NCOA3: variants seen among roughly 807,000 people sequenced by gnomAD.
The protein encoded by NCOA3 is CBP-interacting protein.
A neutral mutation model predicts 158.8 loss-of-function variants in NCOA3; 51 were observed. The ratio of observed to expected loss-of-function variants is 0.32; its 90% confidence interval spans 0.26 to 0.41. The LOEUF is 0.41. Among genes scored for constraint, NCOA3 ranks in the 10% least tolerant of loss-of-function variants. The pLI, the probability that NCOA3 is intolerant of heterozygous loss-of-function variation, is 1.00. For synonymous variants in NCOA3, 537 were observed against 592.4 expected (o/e 0.91, Z 1.36); for missense variants, 1,510 against 1,746.6 (o/e 0.86, Z 2.41).
At chr20:47,564,919 T>C (rs1456444922) in intron 1 of NCOA3, among the ~76,000 whole-genome samples, 1 of 152,176 alleles carries the variant, frequency 6.6e-6, no homozygotes, top group Non-Finnish European at 1.5e-5. Context: ...CTATGTATCC[T>C]AAACTTTAAT....
intron 1 of NCOA3, among the ~76,000 whole-genome samples, chr20:47,502,712 T>A (rs2146033621): frequency 6.6e-6 from 1 of 151,416 alleles, no homozygotes; most frequent in East Asian, 1.9e-4. Context: ...CTTTTTTTTT[T>A]TTTTTGCTCT....
At chr20:47,639,303 AT>A in intron 14 of NCOA3, 101 bp downstream of exon 14, 1 of 1,056,276 alleles carries the variant, frequency 9.5e-7, no homozygotes, top group Non-Finnish European at 1.4e-6. Flanking sequence ...AACTTTTTGA[AT>A]AACGTTAGTA....
At chr20:47,553,998 A>G (rs573756440) in intron 1 of NCOA3, among the ~76,000 whole-genome samples, 1 of 152,324 alleles carries the variant, frequency 6.6e-6, no homozygotes, top group Admixed American at 6.5e-5. Flanking sequence ...TGGTTGAACT[A>G]GTTTACAGTC....
intron 20 of NCOA3, among the ~76,000 whole-genome samples, chr20:47,651,722 T>A (rs2086797020): frequency 6.6e-6 from 1 of 152,006 alleles, no homozygotes; most frequent in South Asian, 2.1e-4. Context: ...TGGAGTGCAG[T>A]GGTGCGATCT....
At chr20:47,568,939 TG>T (rs2085247095) in intron 1 of NCOA3, among the ~76,000 whole-genome samples, 1 of 151,844 alleles carries the variant, frequency 6.6e-6, no homozygotes, top group Non-Finnish European at 1.5e-5. Flanking sequence ...CTGGGGTGGC[TG>T]GGACAAATTA....
chr20:47,560,018 TCAATCAGTCCA>T (rs2146177696), intron 1 of NCOA3, among the ~76,000 whole-genome samples: 1 of 152,328 alleles, frequency 6.6e-6, no homozygotes, highest in South Asian at 2.1e-4. Context: ...ACTGCTGGCC[TCAATCAGTCCA>T]CCCACCTTGG....
chr20:47,537,417 A>C (rs1350475050), intron 1 of NCOA3, among the ~76,000 whole-genome samples: 1 of 36,242 alleles, frequency 2.8e-5, no homozygotes, highest in Non-Finnish European at 4.9e-5. Flanking sequence ...TCAAACTTTT[A>C]TTTTTGTGAT....
chr20:47,609,365 G>T (rs894965692), intron 2 of NCOA3, among the ~76,000 whole-genome samples: 4 of 152,168 alleles, frequency 2.6e-5, no homozygotes, highest in Non-Finnish European at 5.9e-5. Flanking sequence ...GTGTATGGAT[G>T]ATTTTACAGA....
chr20:47,566,369 C>A (rs1466115840), intron 1 of NCOA3, among the ~76,000 whole-genome samples: 3 of 143,816 alleles, frequency 2.1e-5, no homozygotes, highest in Non-Finnish European at 4.8e-5. Context: ...ATAATGAAAT[C>A]CACCATTATA....
At chr20:47,535,290 A>C (rs979428089) in intron 1 of NCOA3, among the ~76,000 whole-genome samples, 3 of 152,182 alleles carry the variant, frequency 2.0e-5, no homozygotes, top group Non-Finnish European at 4.4e-5. Context: ...ACTCCATAGC[A>C]GCATCTAGGG....
intron 5 of NCOA3, among the ~76,000 whole-genome samples, chr20:47,626,461 A>G (rs1485688820): frequency 6.6e-6 from 1 of 152,098 alleles, no homozygotes; most frequent in Non-Finnish European, 1.5e-5. Context: ...TGCTGAACAT[A>G]TTTATGTACA....
At chr20:47,550,296 T>G (rs1279869950) in intron 1 of NCOA3, among the ~76,000 whole-genome samples, 1 of 151,476 alleles carries the variant, frequency 6.6e-6, no homozygotes, top group African/African-American at 2.4e-5. Context: ...AATACAAAAT[T>G]AGTCGGGCAT....
intron 17 of NCOA3, among the ~76,000 whole-genome samples, chr20:47,643,611 T>G (rs1433487137): frequency 6.6e-6 from 1 of 152,056 alleles, no homozygotes; most frequent in Non-Finnish European, 1.5e-5. Context: ...ACTATTCCCC[T>G]GTGTTGGACT....
At chr20:47,596,836 T>G (rs6018573) in intron 2 of NCOA3, among the ~76,000 whole-genome samples, 20 of 152,106 alleles carry the variant, frequency 1.3e-4, no homozygotes, top group African/African-American at 4.6e-4. Context: ...GCGATCCACC[T>G]GCCTCGGCCT....
rs200564068 is a variant in NCOA3 at position 47,584,712 on chromosome 20, G to GA, written c.-20+1452dup. Among the ~76,000 whole-genome samples the GA allele has an allele frequency of 4.1e-3, 609 of 148,496 alleles. 7 individuals carry two copies. Among genetic ancestry groups the GA allele is most frequent in the African/African-American group, 0.015 (578 of 38,860 alleles). ...AGGTCTTCATTCTTTTCGTGAGGTT[G>GA]AGTAGGCTTGAGGAGGAGAAAGAAG... On this transcript the variant is annotated intron_variant, in intron 2 of 22. Transcript: ENST00000371998.
chr20:47,541,711 C>T (rs1465183518), intron 1 of NCOA3, among the ~76,000 whole-genome samples: 1 of 151,320 alleles, frequency 6.6e-6, no homozygotes, highest in Non-Finnish European at 1.5e-5. Flanking sequence ...CGTTTTGAAG[C>T]AAATACTAGA....
intron 1 of NCOA3, among the ~76,000 whole-genome samples, chr20:47,533,219 AG>A: frequency 7.5e-6 from 1 of 133,496 alleles, no homozygotes; most frequent in South Asian, 2.6e-4. Flanking sequence ...TGGGAGGCGG[AG>A]GTTGCAGTGA....
chr20:47,534,333 T>C (rs2084599189), intron 1 of NCOA3, among the ~76,000 whole-genome samples: 1 of 152,136 alleles, frequency 6.6e-6, no homozygotes, highest in African/African-American at 2.4e-5. Flanking sequence ...TGATTATTTC[T>C]TTCACCAGGC....
At position 47,639,780 on chromosome 20, in the gene NCOA3, G is replaced by A. The variant is rs576814818; in HGVS notation, c.2911G>A (p.Ala971Thr). ...TCTTCGGTCTAATAGCATACCAGGT[G>A]CGAGACCAGTATTGCAACAGCAGCA... is the stretch of plus-strand genomic sequence containing the variant. ...LPLRSNSIPG[A>T]RPVLQQQQQM... The change falls in exon 15 of 23, where the codon GCG becomes ACG. Residue 971 changes from alanine (A) to threonine (T), a missense_variant. Around this residue, in one of 4 missense-constraint regions of NCOA3, gnomAD observed 1,017 missense variants for 1,098.3 expected, o/e 0.93. Transcript: ENST00000371998. The A allele has an allele frequency of 6.2e-7, 1 of 1,614,190 alleles. No homozygotes were observed. Among genetic ancestry groups the A allele is most frequent in the South Asian group, 1.1e-5 (1 of 91,078 alleles).
Sources: allele counts gnomAD v4.1 joint callset (sites outside exome capture counted in the v4.1 genomes callset), GRCh38; gene constraint gnomAD v4.1.1; regional missense constraint gnomAD v4.1.1; transcripts MANE v1.5; gene names NCBI Gene and HGNC (gene_info 2026-07-23, HGNC 2026-07-21).